The following CACNA1C variants were observed in gnomAD, a reference collection of about 807,000 sequenced individuals.
CACNA1C encodes voltage-dependent L-type calcium channel subunit alpha-1C.
CACNA1C carries 30 observed loss-of-function variants against 229.0 expected under a neutral mutation model. The ratio of observed to expected loss-of-function variants is 0.13; its 90% confidence interval spans 0.10 to 0.18. The LOEUF is 0.18. Ranked by LOEUF, CACNA1C falls within the 10% of genes least tolerant of loss-of-function variation. The pLI, the probability that CACNA1C is intolerant of heterozygous loss-of-function variation, is 1.00. For missense variants in CACNA1C, 1,658 were observed against 2,845.0 expected, an observed-to-expected ratio of 0.58 and a Z score of 9.49; for synonymous variants, 1,114 against 1,132.5, an observed-to-expected ratio of 0.98 and a Z score of 0.33.
chr12:2,050,145 C>T, upstream of CACNA1C, among the ~76,000 whole-genome samples: 1 of 152,156 alleles, frequency 6.6e-6, no homozygotes, highest in Non-Finnish European at 1.5e-5. Context: ...GCATATTTTG[C>T]AATCATTTCA....
chr12:2,547,656 TGTG>T, intron 9 of CACNA1C: 1 of 312,974 alleles, frequency 3.2e-6, no homozygotes, highest in East Asian at 6.5e-5. Flanking sequence ...GTATATATGT[TGTG>T]TGTGTGTGTG....
At chr12:2,644,579 G>A (rs557343210) in intron 30 of CACNA1C, among the ~76,000 whole-genome samples, 43 of 152,120 alleles carry the variant, frequency 2.8e-4, no homozygotes, top group Non-Finnish European at 3.8e-4. Flanking sequence ...CACATCCTGC[G>A]GCCTCCCACA....
intron 9 of CACNA1C, among the ~76,000 whole-genome samples, chr12:2,549,260 T>C (rs566203706): frequency 6.6e-6 from 1 of 152,318 alleles, no homozygotes; most frequent in East Asian, 1.9e-4. Context: ...CCCTACAGGC[T>C]GTCTTCTGAC....
chr12:2,599,236 G>A (rs971674975), intron 21 of CACNA1C, among the ~76,000 whole-genome samples: 1 of 152,188 alleles, frequency 6.6e-6, no homozygotes, highest in Non-Finnish European at 1.5e-5. Flanking sequence ...TGCTCAGCAT[G>A]CTTCTGAATA....
At chr12:2,593,393 A>C in intron 19 of CACNA1C, 48 bp downstream of exon 19, 1 of 1,600,880 alleles carries the variant, frequency 6.2e-7, no homozygotes. Context: ...CTCTAGTACC[A>C]GCCTGGCAGT....
chr12:2,498,563 G>A (rs955933216), intron 7 of CACNA1C, among the ~76,000 whole-genome samples: 1 of 152,232 alleles, frequency 6.6e-6, no homozygotes, highest in Non-Finnish European at 1.5e-5. Flanking sequence ...CCTGGGACGA[G>A]GGATGTGGGA....
At chr12:2,391,448 G>A (rs1430951605) in intron 3 of CACNA1C, among the ~76,000 whole-genome samples, 4 of 152,194 alleles carry the variant, frequency 2.6e-5, no homozygotes, top group Non-Finnish European at 2.9e-5. Flanking sequence ...GGGCAACCAC[G>A]AAAGGCTGTT....
chr12:2,309,601 CA>C (rs2095308537), intron 3 of CACNA1C, among the ~76,000 whole-genome samples: 1 of 152,044 alleles, frequency 6.6e-6, no homozygotes, highest in African/African-American at 2.4e-5. Flanking sequence ...TAAATATATA[CA>C]ATTTTTTAAT....
intron 3 of CACNA1C, among the ~76,000 whole-genome samples, chr12:2,428,430 A>C (rs576890512): frequency 1.3e-5 from 2 of 152,260 alleles, no homozygotes; most frequent in African/African-American, 4.8e-5. Flanking sequence ...TTGGCTTTGC[A>C]TGTCACTCAC....
In CACNA1C at chr12:2,199,740, G is replaced by A. The variant is rs996527131; in HGVS notation, c.477+79310G>A. On this transcript the variant is annotated intron_variant, in intron 3 of 46. Transcript: ENST00000399655. The stretch of plus-strand genomic sequence containing the variant: ...CCCTTTTCCTCTGTCAGGTCCCAGA[G>A]CATGGGTTACCACCACAGAGAGGCC... Among the ~76,000 whole-genome samples the A allele has an allele frequency of 2.0e-5, 3 of 152,244 alleles. No individual in the cohort carries two copies. The South Asian group carries it at 6.2e-4, about 32-fold the overall frequency.
intron 1 of CACNA1C, among the ~76,000 whole-genome samples, chr12:2,113,405 G>A (rs2082533877): frequency 6.6e-6 from 1 of 152,178 alleles, no homozygotes; most frequent in Non-Finnish European, 1.5e-5. Flanking sequence ...GATAAGAGTT[G>A]GGGAGGTGGC....
At chr12:2,112,730 A>G (rs945695389) in intron 1 of CACNA1C, among the ~76,000 whole-genome samples, 7 of 152,158 alleles carry the variant, frequency 4.6e-5, no homozygotes, top group African/African-American at 7.2e-5. Flanking sequence ...GGTGGTAGCT[A>G]TGTGGCATGA....
At chr12:2,658,558 G>C (rs2095538714) in intron 34 of CACNA1C, among the ~76,000 whole-genome samples, 1 of 152,134 alleles carries the variant, frequency 6.6e-6, no homozygotes, top group South Asian at 2.1e-4. Flanking sequence ...ATAAATGACT[G>C]TGTCACCGGT....
intron 3 of CACNA1C, among the ~76,000 whole-genome samples, chr12:2,191,815 T>A (rs951720550): frequency 1.8e-5 from 2 of 109,982 alleles, no homozygotes; most frequent in Non-Finnish European, 4.0e-5. Flanking sequence ...CAGGCACACG[T>A]ATGCACACAC....
chr12:2,066,956 A>G (rs963402925), intron 1 of CACNA1C, among the ~76,000 whole-genome samples: 29 of 152,112 alleles, frequency 1.9e-4, no homozygotes, highest in African/African-American at 6.5e-4. Context: ...GGAAGAGGGA[A>G]CGGTCAGTGG....
Position 2,454,150 on chromosome 12 carries a change from T to A in CACNA1C, c.618-3417T>A, listed in dbSNP as rs138382067. ...CTTTACTGCAGCCTTCTGCAGACCT[T>A]TGAGTCACCCCTCCTTGTGCCTTGA... is the stretch of plus-strand genomic sequence containing the variant. On this transcript the variant is annotated intron_variant, in intron 4 of 46. Coordinates refer to ENST00000399655, the MANE Select transcript of CACNA1C (RefSeq NM_000719.7). 2.2e-3 allele frequency among the ~76,000 whole-genome samples: 339 copies of A among 152,352 alleles called. 7 individuals are homozygous for A. The highest frequency in any genetic ancestry group is 8.5e-3 in the South Asian group (41 of 4,826).
rs544600648 is a variant in CACNA1C at position 2,654,863 on chromosome 12, C to T, written c.4141-284C>T. On this transcript the variant is annotated intron_variant, in intron 33 of 46. Coordinates refer to ENST00000399655, the MANE Select transcript of CACNA1C (RefSeq NM_000719.7). The surrounding 1 kb of genome is among the most constrained non-coding windows in gnomAD (Gnocchi z 4.4). ...CTGTGTCCTGTCAGAAGCAGGATCC[C>T]GGTCCCAGCATCCACCGCTCTCAGC... is the stretch of plus-strand genomic sequence containing the variant. Among the ~76,000 whole-genome samples, 1 of 152,298 alleles carries T rather than the reference C, an allele frequency of 6.6e-6. No individual in the cohort carries two copies. Among genetic ancestry groups the T allele is most frequent in the East Asian group, 1.9e-4 (1 of 5,170 alleles).
intron 9 of CACNA1C, among the ~76,000 whole-genome samples, chr12:2,532,918 T>C (rs1324474114): frequency 6.6e-6 from 1 of 152,232 alleles, no homozygotes; most frequent in East Asian, 1.9e-4. Flanking sequence ...CCCAGGCCTT[T>C]TGCTTGTTGA....
At chr12:2,159,233 C>T (rs1388691022) in intron 3 of CACNA1C, among the ~76,000 whole-genome samples, 1 of 152,080 alleles carries the variant, frequency 6.6e-6, no homozygotes, top group Middle Eastern at 3.2e-3. Context: ...GTGGCTCATG[C>T]CTGTAATCCC....
Sources: gnomAD v4.1 joint callset for allele counts (sites outside exome capture counted in the v4.1 genomes callset) on GRCh38, gnomAD v4.1.1 for gene constraint, Gnocchi (gnomAD v3.1) non-coding constraint, MANE v1.5 for transcripts, NCBI Gene and HGNC (gene_info 2026-07-23, HGNC 2026-07-21) for gene names.